The following SRGAP3 variants were observed in gnomAD, a reference collection of about 807,000 sequenced individuals.
SRGAP3 encodes the protein SLIT-ROBO Rho GTPase-activating protein 3.
SRGAP3 carries 39 observed loss-of-function variants against 121.1 expected under a neutral mutation model. The ratio of observed to expected loss-of-function variants is 0.32; its 90% CI spans 0.25 to 0.42. The LOEUF is 0.42. Among genes scored for constraint, SRGAP3 ranks in the 10% least tolerant of loss-of-function variants. The pLI is 1.00. For synonymous variants in SRGAP3, 601 were observed against 570.0 expected, an observed-to-expected ratio of 1.05 and a Z score of -0.77; for missense variants, 1,213 against 1,470.6, an observed-to-expected ratio of 0.82 and a Z score of 2.86.
In SRGAP3 at chr3:9,249,410, A is replaced by G. The variant is rs931189991; in HGVS notation, c.-459T>C. 1.5e-5 allele frequency: 4 copies of G among 262,152 alleles called. No individual in the cohort carries two copies. The highest frequency in any genetic ancestry group is 3.0e-5 in the Non-Finnish European group (4 of 135,138). 16.2% of individuals were successfully genotyped at this position (262,152 alleles called of 1,614,324 possible). Reference sequence around the variant, plus strand: ...CACACGCACACACACTCGCTGGATCACTCACACACACACATCCACGAGAGG... The same window carrying G: ...CACACGCACACACACTCGCTGGATCGCTCACACACACACATCCACGAGAGG... On this transcript the variant is annotated 5_prime_UTR_variant, in exon 1 of 22. An upstream open reading frame in the 5' UTR loses its in-frame stop. Coordinates refer to ENST00000383836, the MANE Select transcript of SRGAP3 (RefSeq NM_014850.4).
At chr3:8,995,597 GGATGCGTCCAGA>G (rs1372994071) in intron 18 of SRGAP3, among the ~76,000 whole-genome samples, 1 of 152,134 alleles carries the variant, frequency 6.6e-6, no homozygotes, top group Non-Finnish European at 1.5e-5. Context: ...TTGGCCTATG[GGATGCGTCCAGA>G]GAAGAGACGT....
At chr3:9,339,344 G>A (rs1232911759) in intron 1 of SRGAP3, among the ~76,000 whole-genome samples, 1 of 152,192 alleles carries the variant, frequency 6.6e-6, no homozygotes, top group Non-Finnish European at 1.5e-5. Context: ...GGTCCCTAAA[G>A]GCAGGGAGCT....
intron 3 of SRGAP3, among the ~76,000 whole-genome samples, chr3:9,305,773 T>C (rs1391373828): frequency 6.6e-6 from 1 of 152,204 alleles, no homozygotes; most frequent in African/African-American, 2.4e-5. Context: ...TATTCCATGG[T>C]GTATATGTGC....
rs570256385 is a variant in SRGAP3, at chr3:9,275,276, GTCTC to G, written n.442+50730_442+50733del. ...CTTTGTTTTTCCTCCTTCTCTTCCTGTCTCTCTATCTCAGCCTCTAAAAAATATG... is the reference window on the plus strand; with the variant it reads ...CTTTGTTTTTCCTCCTTCTCTTCCTGTCTATCTCAGCCTCTAAAAAATATG... On this transcript the variant is annotated intron_variant and non_coding_transcript_variant, in intron 3 of 3. Transcript: ENST00000490889. Among the ~76,000 whole-genome samples the G allele has an allele frequency of 9.9e-5, 15 of 151,968 alleles. No individual in the cohort carries two copies. The South Asian group carries it at 2.1e-3, about 21-fold the overall frequency.
At chr3:9,070,989 C>T (rs1000694785) in intron 4 of SRGAP3, among the ~76,000 whole-genome samples, 1 of 152,170 alleles carries the variant, frequency 6.6e-6, no homozygotes, top group East Asian at 1.9e-4. Flanking sequence ...AAACTGAACA[C>T]TGCAGGAAGA....
chr3:9,262,796 AT>A (rs1443959217), intron 3 of SRGAP3, among the ~76,000 whole-genome samples: 1 of 152,118 alleles, frequency 6.6e-6, no homozygotes, highest in African/African-American at 2.4e-5. Context: ...CCCACTGTCA[AT>A]ATTAGACAGA....
intron 2 of SRGAP3, among the ~76,000 whole-genome samples, chr3:9,123,408 ATACACATAC>A (rs1949096574): frequency 6.0e-4 from 2 of 3,310 alleles, no homozygotes; most frequent in Admixed American, 0.014. Flanking sequence ...ATACACATAC[ATACACATAC>A]ATGGAGAGGC....
At chr3:9,008,060 C>T (rs888973246) in intron 18 of SRGAP3, 1 of 152,180 alleles carries the variant, frequency 6.6e-6, no homozygotes, top group African/African-American at 2.4e-5. Context: ...ATTTTTCCTG[C>T]CTTTGTCATT....
intron 1 of SRGAP3, among the ~76,000 whole-genome samples, chr3:9,126,403 G>A (rs1171928849): frequency 3.9e-5 from 6 of 152,152 alleles, no homozygotes; most frequent in African/African-American, 7.2e-5. Flanking sequence ...AGGCCGAGGC[G>A]GGTGGATCAC....
chr3:8,988,711 C>A (rs146421275), intron 21 of SRGAP3, among the ~76,000 whole-genome samples: 1 of 151,842 alleles, frequency 6.6e-6, no homozygotes, highest in Non-Finnish European at 1.5e-5. Flanking sequence ...GGACCGTTTA[C>A]GTGGAAGACA....
At chr3:9,224,121 A>G (rs1289594068) in intron 1 of SRGAP3, among the ~76,000 whole-genome samples, 1 of 152,154 alleles carries the variant, frequency 6.6e-6, no homozygotes, top group Non-Finnish European at 1.5e-5. Context: ...CCATGCCCGC[A>G]GCCCTTCCAC....
chr3:9,334,202 GT>G (rs1290139694), intron 1 of SRGAP3, among the ~76,000 whole-genome samples: 1 of 151,880 alleles, frequency 6.6e-6, no homozygotes, highest in Admixed American at 6.6e-5. Flanking sequence ...TCAAAATAAA[GT>G]TTTTTTAAAA....
chr3:9,076,597 T>C (rs1255694826), intron 4 of SRGAP3, among the ~76,000 whole-genome samples: 4 of 152,052 alleles, frequency 2.6e-5, no homozygotes, highest in African/African-American at 9.7e-5. Flanking sequence ...CTTCCTCTCA[T>C]TCCCTCTGCT....
At chr3:9,200,622 G>A (rs1276501977) in intron 1 of SRGAP3, among the ~76,000 whole-genome samples, 1 of 152,194 alleles carries the variant, frequency 6.6e-6, no homozygotes, top group Non-Finnish European at 1.5e-5. Context: ...AGTTTCCCAG[G>A]CAAAGAAGGA....
intron 3 of SRGAP3, among the ~76,000 whole-genome samples, chr3:9,255,189 T>C (rs1282179424): frequency 2.6e-5 from 4 of 152,186 alleles, no homozygotes; most frequent in South Asian, 4.2e-4. Context: ...GAAAAGAAAG[T>C]TTCCACAAAT....
At chr3:9,356,749 C>G (rs560228747) in intron 1 of SRGAP3, among the ~76,000 whole-genome samples, 1 of 151,974 alleles carries the variant, frequency 6.6e-6, no homozygotes, top group Admixed American at 6.6e-5. Context: ...CTCAAGCAAC[C>G]CACCTGCCTC....
At chr3:9,251,707 T>C (rs1002123320), upstream of SRGAP3, among the ~76,000 whole-genome samples, 6 of 152,076 alleles carry the variant, frequency 3.9e-5, no homozygotes, top group African/African-American at 1.4e-4. Context: ...TGCTGAGCCA[T>C]GGAAATGTCA....
At chr3:9,152,291 C>T (rs1950236203) in intron 1 of SRGAP3, among the ~76,000 whole-genome samples, 1 of 152,176 alleles carries the variant, frequency 6.6e-6, no homozygotes, top group Admixed American at 6.5e-5. Context: ...ATGATCCAGC[C>T]CTCTCCCTCC....
At chr3:9,180,027 T>C (rs905455446) in intron 1 of SRGAP3, among the ~76,000 whole-genome samples, 2 of 152,210 alleles carry the variant, frequency 1.3e-5, no homozygotes, top group African/African-American at 4.8e-5. Context: ...GGCATCCCCA[T>C]TGCACTCGGC....
Sources: allele counts gnomAD v4.1 joint callset (sites outside exome capture counted in the v4.1 genomes callset), GRCh38; gene constraint gnomAD v4.1.1; transcripts MANE v1.5; gene names NCBI Gene and HGNC (gene_info 2026-07-23, HGNC 2026-07-21).